EYS: variants seen among roughly 807,000 people sequenced by gnomAD.
EYS encodes protein eyes shut homolog.
In EYS, 250 loss-of-function variants were observed where a neutral mutation model predicts 282.1. The observed-to-expected ratio is 0.89, with a 90% CI of 0.80 to 0.98. The LOEUF (loss-of-function observed/expected upper bound fraction) is 0.98. Among genes scored for constraint, EYS ranks in the 50% least tolerant of loss-of-function variants. The pLI, the probability that EYS is intolerant of heterozygous loss-of-function variation, is 0.00. For missense variants in EYS, 4,016 were observed against 3,709.0 expected (o/e 1.08, Z -2.15); for synonymous variants, 1,355 against 1,282.9 (o/e 1.06, Z -1.20).
intron 26 of EYS, among the ~76,000 whole-genome samples, chr6:64,552,641 A>G (rs1003177375): frequency 6.6e-6 from 1 of 152,090 alleles, no homozygotes; most frequent in Non-Finnish European, 1.5e-5. Flanking sequence ...TTGGCCTGGC[A>G]AGGTGGCTCA....
At chr6:64,902,545 A>G (rs1371555913) in intron 16 of EYS, 45 bp from the exon 17 acceptor site, 2 of 1,182,874 alleles carry the variant, frequency 1.7e-6, no homozygotes, top group Middle Eastern at 1.9e-4. Context: ...TCCTTGTTAT[A>G]GAGTAAAAAA....
chr6:65,299,490 C>T (rs115704558), intron 11 of EYS, among the ~76,000 whole-genome samples: 2 of 151,978 alleles, frequency 1.3e-5, no homozygotes, highest in Non-Finnish European at 2.9e-5. Context: ...AGGAAAGTGT[C>T]GCTTCTGATG....
intron 23 of EYS, among the ~76,000 whole-genome samples, chr6:64,620,488 C>G (rs1261354787): frequency 6.6e-6 from 1 of 152,090 alleles, no homozygotes; most frequent in Non-Finnish European, 1.5e-5. Context: ...TTTGCAACTC[C>G]AGTTTTGAAG....
chr6:65,564,545 T>A (rs949515461), intron 2 of EYS, among the ~76,000 whole-genome samples: 5 of 152,198 alleles, frequency 3.3e-5, no homozygotes, highest in African/African-American at 1.2e-4. Context: ...ATTTAATAAA[T>A]GGTGTTGGGA....
intron 2 of EYS, among the ~76,000 whole-genome samples, chr6:65,559,200 T>A (rs182128911): frequency 1.3e-5 from 2 of 152,196 alleles, no homozygotes; most frequent in African/African-American, 4.8e-5. Flanking sequence ...CTGGCCAACA[T>A]GGCAAAACCC....
intron 6 of EYS, among the ~76,000 whole-genome samples, chr6:65,404,338 C>T (rs1341943960): frequency 6.6e-6 from 1 of 152,014 alleles, no homozygotes; most frequent in African/African-American, 2.4e-5. Context: ...TCTTAATTTC[C>T]TCTTGCTGGG....
intron 31 of EYS, among the ~76,000 whole-genome samples, chr6:64,110,293 A>C (rs1391771572): frequency 6.6e-6 from 1 of 151,166 alleles, no homozygotes; most frequent in Non-Finnish European, 1.5e-5. Flanking sequence ...TATTTTATAT[A>C]TGTATATGTA....
chr6:64,954,953 G>A (rs532671438), intron 14 of EYS, among the ~76,000 whole-genome samples: 122 of 152,256 alleles, frequency 8.0e-4, no homozygotes, highest in Non-Finnish European at 1.2e-3. Context: ...TAGATCACCT[G>A]AGATCAGGAG....
chr6:64,856,210 C>T (rs1470508672), intron 19 of EYS, among the ~76,000 whole-genome samples: 2 of 152,118 alleles, frequency 1.3e-5, no homozygotes, highest in South Asian at 2.1e-4. Flanking sequence ...ATGGTTGTGC[C>T]ATTTTGCATC....
intron 22 of EYS, among the ~76,000 whole-genome samples, chr6:64,791,687 A>G (rs975296538): frequency 6.6e-6 from 1 of 151,880 alleles, no homozygotes; most frequent in Admixed American, 6.6e-5. Flanking sequence ...AAATGTTTTA[A>G]CCTGTGTACA....
rs530129681 is a variant in EYS at position 65,083,621 on chromosome 6, T to C, written c.2024-25894A>G. Among the ~76,000 whole-genome samples, 3 of 152,004 alleles carry C rather than the reference T, an allele frequency of 2.0e-5. No individual in the cohort carries two copies. In the East Asian group the frequency reaches 5.8e-4, roughly 29 times the overall value. ...AACTGTTACTTTTTCAACCCTGTTT[T>C]CCTAATCATTATCTTTATTTCCTCC... On this transcript the variant is annotated intron_variant, in intron 12 of 42. Transcript: ENST00000503581.
chr6:64,513,908 T>G (rs1227145632), intron 26 of EYS, among the ~76,000 whole-genome samples: 1 of 151,862 alleles, frequency 6.6e-6, no homozygotes, highest in Non-Finnish European at 1.5e-5. Flanking sequence ...AATTAAGATC[T>G]TAGAACAGAA....
intron 2 of EYS, among the ~76,000 whole-genome samples, chr6:65,557,805 A>T (rs1289912282): frequency 6.6e-6 from 1 of 152,158 alleles, no homozygotes; most frequent in Non-Finnish European, 1.5e-5. Context: ...GAGTGACAGA[A>T]TAGCTCTCAG....
chr6:64,033,004 T>A (rs899542433), intron 33 of EYS, among the ~76,000 whole-genome samples: 28 of 152,198 alleles, frequency 1.8e-4, no homozygotes, highest in African/African-American at 6.5e-4. Context: ...TCTTAGAAGC[T>A]CTTTTGTCAG....
At chr6:64,725,157 T>C (rs770355137) in intron 22 of EYS, among the ~76,000 whole-genome samples, 5 of 152,160 alleles carry the variant, frequency 3.3e-5, no homozygotes, top group Non-Finnish European at 5.9e-5. Flanking sequence ...CTCTCTAATA[T>C]AGATGTTGCT....
intron 12 of EYS, among the ~76,000 whole-genome samples, chr6:65,138,342 T>G (rs2150206926): frequency 6.6e-6 from 1 of 152,218 alleles, no homozygotes; most frequent in Non-Finnish European, 1.5e-5. Flanking sequence ...TCTTACTTTT[T>G]TTGGAAGCCC....
intron 22 of EYS, among the ~76,000 whole-genome samples, chr6:64,688,439 G>A (rs921046431): frequency 2.0e-5 from 3 of 152,092 alleles, no homozygotes; most frequent in East Asian, 1.9e-4. Context: ...GTTCTCATTG[G>A]TTTCAAAGAA....
At chr6:63,769,263 G>C (rs1266601703) in intron 40 of EYS, among the ~76,000 whole-genome samples, 1 of 151,826 alleles carries the variant, frequency 6.6e-6, no homozygotes, top group Non-Finnish European at 1.5e-5. Flanking sequence ...CTGCATTGAA[G>C]GTAAGAGTAG....
chr6:65,289,798 T>C (rs1768473049), intron 12 of EYS, among the ~76,000 whole-genome samples: 1 of 151,084 alleles, frequency 6.6e-6, no homozygotes, highest in Non-Finnish European at 1.5e-5. Context: ...TGCTAGAAAT[T>C]CTCTACAATT....
Sources: gnomAD v4.1 joint callset for allele counts (sites outside exome capture counted in the v4.1 genomes callset) on GRCh38, gnomAD v4.1.1 for gene constraint, MANE v1.5 for transcripts, NCBI Gene and HGNC (gene_info 2026-07-23, HGNC 2026-07-21) for gene names.